ZSCAN30: variants seen among roughly 807,000 people sequenced by gnomAD.
ZSCAN30 encodes zinc finger and SCAN domain containing 30.
Under a neutral mutation model 44.3 loss-of-function variants are expected in ZSCAN30, and 37 were observed. The ratio of observed to expected loss-of-function variants is 0.84; its 90% CI spans 0.64 to 1.10. The LOEUF is 1.10. Among genes scored for constraint, ZSCAN30 ranks in the 50% least tolerant of loss-of-function variants. The pLI, the probability that ZSCAN30 is intolerant of heterozygous loss-of-function variation, is 0.00. For synonymous variants in ZSCAN30, 181 were observed against 204.6 expected (o/e 0.88, Z 0.98); for missense variants, 549 against 582.6 (o/e 0.94, Z 0.59).
chr18:35,269,395 G>C (rs2044225692), intron 1 of ZSCAN30: 1 of 149,546 alleles, frequency 6.7e-6, no homozygotes, highest in African/African-American at 2.5e-5. Flanking sequence ...CCCTCATAAA[G>C]ATCCTTATCT....
chr18:35,289,814 T>A (rs1420381048), intron 1 of ZSCAN30: 4 of 152,298 alleles, frequency 2.6e-5, no homozygotes, highest in Admixed American at 2.0e-4. Context: ...ACCAACAGCT[T>A]CAGGATCACC....
At chr18:35,256,938 T>G (rs2043845792) in intron 3 of ZSCAN30, 1 of 152,886 alleles carries the variant, frequency 6.5e-6, no homozygotes, top group Admixed American at 6.5e-5. Context: ...TGCATCCAGT[T>G]AATTAAAAAA....
At chr18:35,287,001 A>G (rs1209010436) in intron 1 of ZSCAN30, among the ~76,000 whole-genome samples, 2 of 152,234 alleles carry the variant, frequency 1.3e-5, no homozygotes, top group Non-Finnish European at 2.9e-5. Flanking sequence ...ACAAAAATCA[A>G]TTGTATTTCT....
chr18:35,253,515 A>G lies in ZSCAN30; in HGVS notation c.1420T>C (p.Cys474Arg), dbSNP rs201191822. ...TGEKPYECSE[C>R]RKTFRHRSGL... ...GACCTATGCCTAAATGTTTTTCTAC[A>G]TTCACTACATTCATAAGGCTTCTCT... Residue 474 changes from cysteine to arginine, a missense_variant, in exon 4 of 4, where the codon TGT (cysteine) becomes CGT (arginine). Coordinates refer to ENST00000333206, the MANE Select transcript of ZSCAN30 (RefSeq NM_001112734.4). 203 of 1,612,066 alleles carry G rather than the reference A, an allele frequency of 1.3e-4. No homozygotes were observed. Among genetic ancestry groups the G allele is most frequent in the Non-Finnish European group, 1.6e-4 (187 of 1,178,524 alleles).
chr18:35,272,357 T>G (rs1416009914), intron 1 of ZSCAN30, among the ~76,000 whole-genome samples: 2 of 146,864 alleles, frequency 1.4e-5, no homozygotes, highest in African/African-American at 5.0e-5. Context: ...AAAGTTTTTT[T>G]TTTTTTTTTA....
chr18:35,260,792 C>G (rs1395210250), intron 3 of ZSCAN30: 2 of 152,018 alleles, frequency 1.3e-5, no homozygotes, highest in Non-Finnish European at 2.9e-5. Flanking sequence ...AAATTTTCTC[C>G]CATTCTGTAC....
intron 1 of ZSCAN30, among the ~76,000 whole-genome samples, chr18:35,272,755 C>T (rs374412886): frequency 2.6e-5 from 4 of 152,198 alleles, no homozygotes; most frequent in East Asian, 1.9e-4. Context: ...CTGATAAAGA[C>T]GTGCCCAAAA....
In ZSCAN30 at chr18:35,255,499, C is replaced by T. The variant is rs116698612; in HGVS notation, c.554-1118G>A. Among the ~76,000 whole-genome samples the T allele has an allele frequency of 6.9e-3, 1,047 of 152,170 alleles. 13 individuals are homozygous for T. Among genetic ancestry groups the T allele is most frequent in the African/African-American group, 0.022 (917 of 41,518 alleles). ...AAGAGTTAGGATTCAAATAAACATT[C>T]TTAACATCAAAACTTGTAATCTTTA... is the stretch of plus-strand genomic sequence containing the variant. On this transcript the variant is annotated intron_variant, in intron 3 of 3. Coordinates refer to ENST00000333206, the MANE Select transcript of ZSCAN30 (RefSeq NM_001112734.4).
intron 1 of ZSCAN30, among the ~76,000 whole-genome samples, chr18:35,280,486 G>T (rs2044437622): frequency 6.6e-6 from 1 of 152,116 alleles, no homozygotes; most frequent in South Asian, 2.1e-4. Flanking sequence ...TGATGCCAAT[G>T]ACCTTACTGA....
In ZSCAN30 at chr18:35,254,294, T is replaced by C; in HGVS notation, c.641A>G (p.Lys214Arg). ...VASAAMISPGKLPGETHSQRI... is the reference protein window; with the variant it reads ...VASAAMISPGRLPGETHSQRI... ...TTGGGAATGTGTTTCTCCAGGAAGT[T>C]TTCCCGGCGATATCATAGCTGCTGA... is the stretch of plus-strand genomic sequence containing the variant. The change falls in exon 4 of 4, where the codon AAA (lysine) becomes AGA (arginine). Residue 214 changes from lysine to arginine, a missense_variant. Transcript: ENST00000333206. The C allele has an allele frequency of 2.5e-6, 4 of 1,614,132 alleles. No individual in the cohort carries two copies. Among genetic ancestry groups the C allele is most frequent in the Non-Finnish European group, 3.4e-6 (4 of 1,179,974 alleles).
intron 3 of ZSCAN30, chr18:35,258,553 AGAGG>A (rs951894085): frequency 6.5e-6 from 1 of 153,198 alleles, no homozygotes; most frequent in Non-Finnish European, 1.5e-5. Context: ...AGATGGGATC[AGAGG>A]GAGTGAGAGG....
chr18:35,274,714 G>A (rs1229280760), intron 1 of ZSCAN30, among the ~76,000 whole-genome samples: 1 of 152,068 alleles, frequency 6.6e-6, no homozygotes, highest in Admixed American at 6.5e-5. Flanking sequence ...ACTGGACTTA[G>A]ATCATTTCTT....
intron 1 of ZSCAN30, among the ~76,000 whole-genome samples, chr18:35,279,278 G>A (rs1480797813): frequency 2.0e-5 from 3 of 152,202 alleles, no homozygotes; most frequent in African/African-American, 2.4e-5. Context: ...AAGCTCTAGG[G>A]AAGTGTCTGT....
intron 3 of ZSCAN30, chr18:35,256,948 AT>A (rs543304979): frequency 1.4e-4 from 21 of 152,940 alleles, no homozygotes; most frequent in Non-Finnish European, 2.5e-4. Flanking sequence ...TAATTAAAAA[AT>A]TTTTTTTGTA....
chr18:35,263,787 A>G, intron 2 of ZSCAN30, 130 bp from the exon 3 acceptor site: 1 of 1,382,576 alleles, frequency 7.2e-7, no homozygotes. Context: ...ACAGGACCTT[A>G]AGAGCCCTAG....
chr18:35,281,663 T>C (rs1363080728), intron 1 of ZSCAN30: 1 of 152,196 alleles, frequency 6.6e-6, no homozygotes, highest in East Asian at 1.9e-4. Flanking sequence ...ACCAAAAGAA[T>C]TATAAATGAA....
chr18:35,274,826 G>A (rs920935608), intron 1 of ZSCAN30, among the ~76,000 whole-genome samples: 6 of 152,144 alleles, frequency 3.9e-5, no homozygotes, highest in Admixed American at 3.3e-4. Flanking sequence ...AGGGAAGTGT[G>A]ATCCACATTA....
chr18:35,271,058 T>G (rs964714695), intron 1 of ZSCAN30, among the ~76,000 whole-genome samples: 1 of 152,186 alleles, frequency 6.6e-6, no homozygotes, highest in African/African-American at 2.4e-5. Flanking sequence ...CTGCAGACCT[T>G]CACAGTGAGT....
At chr18:35,256,679 G>A (rs1361183067) in intron 3 of ZSCAN30, among the ~76,000 whole-genome samples, 1 of 152,200 alleles carries the variant, frequency 6.6e-6, no homozygotes, top group Non-Finnish European at 1.5e-5. Context: ...CTGGAGGCTG[G>A]AGGGTGGGGT....
Sources: allele counts gnomAD v4.1 joint callset (sites outside exome capture counted in the v4.1 genomes callset), GRCh38; gene constraint gnomAD v4.1.1; transcripts MANE v1.5; gene names NCBI Gene and HGNC (gene_info 2026-07-23, HGNC 2026-07-21).